Variants in AUTS2 observed in about 807,000 individuals in gnomAD.
The protein encoded by AUTS2 is activator of transcription and developmental regulator AUTS2, also known as autism susceptibility gene 2 protein.
Under a neutral mutation model 112.4 loss-of-function variants are expected in AUTS2, and 17 were observed. The observed-to-expected ratio is 0.15, with a 90% CI of 0.10 to 0.23. AUTS2 has a LOEUF of 0.23. Among genes scored for constraint, AUTS2 ranks in the 10% least tolerant of loss-of-function variants. The probability of loss-of-function intolerance (pLI) is 1.00; values close to 1 mark genes in which losing one functional copy is unlikely to be tolerated. For missense variants in AUTS2, 1,510 were observed against 1,701.6 expected, an observed-to-expected ratio of 0.89 and a Z score of 1.98; for synonymous variants, 751 against 702.7, an observed-to-expected ratio of 1.07 and a Z score of -1.09.
chr7:70,691,388 A>C (rs1808745563), intron 5 of AUTS2, among the ~76,000 whole-genome samples: 1 of 149,208 alleles, frequency 6.7e-6, no homozygotes, highest in South Asian at 2.2e-4. Flanking sequence ...TTTATATTAA[A>C]ACTCCAATAA....
At chr7:69,701,255 G>A (rs1797791814) in intron 1 of AUTS2, among the ~76,000 whole-genome samples, 1 of 152,284 alleles carries the variant, frequency 6.6e-6, no homozygotes, top group South Asian at 2.1e-4. Flanking sequence ...AGTCGTACAG[G>A]GCAGTGGTTT....
chr7:70,600,773 T>C (rs1803436089), intron 5 of AUTS2, among the ~76,000 whole-genome samples: 1 of 152,228 alleles, frequency 6.6e-6, no homozygotes, highest in African/African-American at 2.4e-5. Context: ...ATACTTTATT[T>C]AACTTGAGTA....
In AUTS2 at chr7:70,781,601, C is replaced by G; in HGVS notation, c.2005-14C>G. Reference sequence around the variant, plus strand: ...GTTGGCCTTGGGACCCTTACTGTTCCCCTTGCTGTGTAGAAACAGATGCAG... The same window carrying G: ...GTTGGCCTTGGGACCCTTACTGTTCGCCTTGCTGTGTAGAAACAGATGCAG... On this transcript the variant is annotated splice_polypyrimidine_tract_variant and intron_variant, in intron 14 of 18. Coordinates refer to ENST00000342771, the MANE Select transcript of AUTS2 (RefSeq NM_015570.4). The G allele has an allele frequency of 1.2e-6, 2 of 1,613,812 alleles. No homozygotes were observed. Among genetic ancestry groups the G allele is most frequent in the Non-Finnish European group, 1.7e-6 (2 of 1,179,852 alleles).
intron 2 of AUTS2, among the ~76,000 whole-genome samples, chr7:69,992,806 G>T (rs116260767): frequency 1.2e-3 from 183 of 152,268 alleles, no homozygotes; most frequent in African/African-American, 4.1e-3. Flanking sequence ...GATCGCTTGA[G>T]CCCAGGAGTT....
chr7:70,778,588 T>C (rs924377065), intron 14 of AUTS2, among the ~76,000 whole-genome samples: 1 of 146,702 alleles, frequency 6.8e-6, no homozygotes, highest in African/African-American at 2.5e-5. Flanking sequence ...AAAAAAAGAG[T>C]AAAAAATAAA....
intron 2 of AUTS2, among the ~76,000 whole-genome samples, chr7:69,932,343 T>C (rs1287479598): frequency 6.6e-6 from 1 of 152,182 alleles, no homozygotes; most frequent in Non-Finnish European, 1.5e-5. Context: ...GATTTAGCAA[T>C]GCATTGTGTT....
intron 4 of AUTS2, among the ~76,000 whole-genome samples, chr7:70,338,172 T>A (rs2129620261): frequency 6.6e-6 from 1 of 152,336 alleles, no homozygotes; most frequent in Admixed American, 6.5e-5. Flanking sequence ...GCTCTACATT[T>A]AATCAAACAA....
chr7:70,780,446 G>C (rs912257471), intron 14 of AUTS2, among the ~76,000 whole-genome samples: 1 of 150,256 alleles, frequency 6.7e-6, no homozygotes, highest in Admixed American at 6.6e-5. Context: ...AGACAGCCTC[G>C]GTCACAGCAA....
chr7:69,858,385 C>G (rs1452534181), intron 1 of AUTS2, among the ~76,000 whole-genome samples: 3 of 152,102 alleles, frequency 2.0e-5, no homozygotes, highest in East Asian at 1.9e-4. Context: ...TTTTAATTTG[C>G]AAGCTAAATA....
At chr7:70,203,462 G>T (rs900322318) in intron 4 of AUTS2, among the ~76,000 whole-genome samples, 1 of 149,188 alleles carries the variant, frequency 6.7e-6, no homozygotes, top group Non-Finnish European at 1.5e-5. Flanking sequence ...TTAAAATTTT[G>T]AATCTATGAT....
chr7:69,647,253 A>G (rs538564841), intron 1 of AUTS2, among the ~76,000 whole-genome samples: 2 of 152,276 alleles, frequency 1.3e-5, no homozygotes, highest in South Asian at 4.1e-4. Context: ...TCTCCAAAAC[A>G]AGAAGGTTAT....
intron 4 of AUTS2, among the ~76,000 whole-genome samples, chr7:70,173,824 G>C (rs1288139164): frequency 3.5e-4 from 53 of 152,254 alleles, no homozygotes; most frequent in African/African-American, 1.0e-3. Flanking sequence ...CATAAACCTC[G>C]CTATATAAGA....
chr7:70,369,568 A>G (rs1466630291), intron 4 of AUTS2, among the ~76,000 whole-genome samples: 1 of 152,126 alleles, frequency 6.6e-6, no homozygotes, highest in Non-Finnish European at 1.5e-5. Flanking sequence ...AATGGTTTCT[A>G]GGGGAGGCAA....
At chr7:70,066,227 G>C (rs1379406470) in intron 2 of AUTS2, among the ~76,000 whole-genome samples, 3 of 152,146 alleles carry the variant, frequency 2.0e-5, no homozygotes, top group Non-Finnish European at 2.9e-5. Flanking sequence ...GGCAATTGAA[G>C]TACAGTTTGA....
intron 6 of AUTS2, among the ~76,000 whole-genome samples, chr7:70,701,602 TCTC>T (rs1381245661): frequency 1.3e-5 from 2 of 152,214 alleles, no homozygotes; most frequent in South Asian, 2.1e-4. Context: ...GTCGTTTTCT[TCTC>T]CTGCCTTTTA....
At chr7:70,405,637 A>G (rs1794499470) in intron 4 of AUTS2, among the ~76,000 whole-genome samples, 1 of 152,210 alleles carries the variant, frequency 6.6e-6, no homozygotes, top group African/African-American at 2.4e-5. Flanking sequence ...GTGAAATGGA[A>G]TAAGGTAGAG....
At chr7:69,893,918 G>A (rs62458779) in intron 1 of AUTS2, among the ~76,000 whole-genome samples, 8,997 of 152,198 alleles carry the variant, frequency 0.059, 401 homozygotes, top group Non-Finnish European at 0.081. Context: ...GTGGAAGATT[G>A]TAATTTGGGA....
chr7:70,245,704 A>G (rs1285907542), intron 4 of AUTS2, among the ~76,000 whole-genome samples: 1 of 152,170 alleles, frequency 6.6e-6, no homozygotes, highest in Admixed American at 6.5e-5. Context: ...ATAGTGCTGT[A>G]TGACTGTTCT....
chr7:70,142,505 T>C (rs1019478753), intron 4 of AUTS2, among the ~76,000 whole-genome samples: 2 of 152,228 alleles, frequency 1.3e-5, no homozygotes, highest in South Asian at 4.1e-4. Flanking sequence ...AAAGGAGTCC[T>C]GATTTCAACG....
Sources: allele counts gnomAD v4.1 joint callset (sites outside exome capture counted in the v4.1 genomes callset), GRCh38; gene constraint gnomAD v4.1.1; transcripts MANE v1.5; gene names NCBI Gene and HGNC (gene_info 2026-07-23, HGNC 2026-07-21).